Variants in CDH17 observed in about 807,000 individuals in gnomAD.
CDH17 encodes the protein cadherin-17.
A neutral mutation model predicts 86.3 loss-of-function variants in CDH17; 67 were observed. That is an observed-to-expected ratio of 0.78 (90% CI 0.64 to 0.95). The LOEUF (loss-of-function observed/expected upper bound fraction) is 0.95, where lower values mean the gene tolerates loss of function less well. CDH17 is among the 40% of genes least tolerant of loss of function. The probability of loss-of-function intolerance (pLI) is 0.00; values close to 1 mark genes in which losing one functional copy is unlikely to be tolerated. For synonymous variants in CDH17, 367 were observed against 366.4 expected (o/e 1.00, Z -0.02); for missense variants, 993 against 1,017.6 (o/e 0.98, Z 0.33).
chr8:94,159,837 G>C (rs1017536056), intron 12 of CDH17, 134 bp downstream of exon 12: 9 of 573,142 alleles, frequency 1.6e-5, no homozygotes, highest in Middle Eastern at 4.7e-4. Context: ...GAGGAATCCA[G>C]GAATCCAGGA....
At chr8:94,152,323 T>C (rs965624969) in intron 12 of CDH17, among the ~76,000 whole-genome samples, 1 of 152,224 alleles carries the variant, frequency 6.6e-6, no homozygotes, top group Non-Finnish European at 1.5e-5. Context: ...CCTGAAACTA[T>C]AACACCACTA....
chr8:94,207,802 A>C (rs1430819988), intron 1 of CDH17, among the ~76,000 whole-genome samples: 1 of 152,182 alleles, frequency 6.6e-6, no homozygotes, highest in Non-Finnish European at 1.5e-5. Context: ...AGATACCAAT[A>C]AGCTGTGTGT....
intron 12 of CDH17, among the ~76,000 whole-genome samples, chr8:94,154,423 T>C (rs1272315598): frequency 6.6e-6 from 1 of 152,202 alleles, no homozygotes; most frequent in Non-Finnish European, 1.5e-5. Context: ...AGATTTCCAT[T>C]TTTTATGGGA....
At chr8:94,200,532 CTTTTGTTTTTTTTTTT>C (rs1274859443) in intron 1 of CDH17, among the ~76,000 whole-genome samples, 21 of 50,236 alleles carry the variant, frequency 4.2e-4, no homozygotes, top group South Asian at 7.1e-4. Context: ...TTATTATTAT[CTTTTGTTTTTTTTTTT>C]TTTTTTTTTT....
intron 3 of CDH17, among the ~76,000 whole-genome samples, chr8:94,181,581 GATGTAA>G (rs1247932002): frequency 6.6e-6 from 1 of 151,938 alleles, no homozygotes; most frequent in African/African-American, 2.4e-5. Context: ...AAAATACTTT[GATGTAA>G]ATGAAAATGA....
intron 3 of CDH17, among the ~76,000 whole-genome samples, chr8:94,181,107 A>G (rs778560340): frequency 6.6e-6 from 1 of 152,194 alleles, no homozygotes; most frequent in Non-Finnish European, 1.5e-5. Flanking sequence ...GGGATATTCT[A>G]TAATGATATA....
intron 10 of CDH17, among the ~76,000 whole-genome samples, chr8:94,162,835 G>T (rs752236469): frequency 3.9e-5 from 6 of 152,184 alleles, no homozygotes; most frequent in Non-Finnish European, 7.3e-5. Flanking sequence ...CCAGATGTGT[G>T]TGGAGTGCAG....
At chr8:94,214,243 T>C (rs1334163326) in intron 1 of CDH17, among the ~76,000 whole-genome samples, 1 of 152,086 alleles carries the variant, frequency 6.6e-6, no homozygotes, top group Non-Finnish European at 1.5e-5. Context: ...AGTACTGTCA[T>C]GGGGTCAAGT....
At chr8:94,196,099 A>G in intron 1 of CDH17, among the ~76,000 whole-genome samples, 1 of 152,288 alleles carries the variant, frequency 6.6e-6, no homozygotes, top group South Asian at 2.1e-4. Flanking sequence ...TTTCACGAAA[A>G]TTCCAATCAC....
Position 94,151,889 on chromosome 8 carries a change from T to A in CDH17, c.1775A>T (p.Asp592Val). 6.2e-7 allele frequency: 1 copy of A among 1,614,204 alleles called. No individual in the cohort carries two copies. Among genetic ancestry groups the A allele is most frequent in the Non-Finnish European group, 8.5e-7 (1 of 1,180,010 alleles). The change falls in exon 13 of 18, where the codon GAT becomes GTT. Residue 592 changes from aspartate to valine, a missense_variant. Coordinates refer to ENST00000027335, the MANE Select transcript of CDH17 (RefSeq NM_004063.4). ...GTKVGNVTAKDPEGLDISYSL... is the reference protein window; with the variant it reads ...GTKVGNVTAKVPEGLDISYSL... ...TTACCTTATGTCCAGACCTTCTGGA[T>A]CCTTGGCAGTCACATTGCCCACTTT...
chr8:94,170,929 T>C lies in CDH17; in HGVS notation c.840A>G (p.Pro280=), dbSNP rs957679477. The C allele has an allele frequency of 8.1e-6, 13 of 1,613,908 alleles. No homozygotes were observed. The highest frequency in any genetic ancestry group is 1.1e-5 in the Non-Finnish European group (13 of 1,179,858). Residue 280 remains proline, a synonymous_variant, in exon 8 of 18, where the codon CCA becomes CCG. Coordinates refer to ENST00000027335, the MANE Select transcript of CDH17 (RefSeq NM_004063.4). ...CCTGGTCAATTGAAAATGGGAATCT[T>C]GGCAGCTTCTCTTTGTCAACTAAGG... ...QYSLVDKEKL[P]RFPFSIDQEG...
chr8:94,166,422 A>G (rs1292840762), intron 9 of CDH17, among the ~76,000 whole-genome samples: 1 of 152,112 alleles, frequency 6.6e-6, no homozygotes, highest in African/African-American at 2.4e-5. Context: ...TACTTTCATT[A>G]CCTCTTTTAA....
chr8:94,204,869 A>G (rs532473776), intron 1 of CDH17, among the ~76,000 whole-genome samples: 1 of 152,328 alleles, frequency 6.6e-6, no homozygotes, highest in East Asian at 1.9e-4. Flanking sequence ...AAGGGGGGCC[A>G]GAGCAGTCAC....
intron 1 of CDH17, among the ~76,000 whole-genome samples, chr8:94,214,569 T>A (rs544899442): frequency 6.6e-6 from 1 of 152,202 alleles, no homozygotes; most frequent in South Asian, 2.1e-4. Context: ...CAGGGGTAAA[T>A]CTTTATGGCC....
At chr8:94,134,289 TTTTTTTTG>T (rs1416503851) in intron 15 of CDH17, among the ~76,000 whole-genome samples, 1 of 152,040 alleles carries the variant, frequency 6.6e-6, no homozygotes, top group Non-Finnish European at 1.5e-5. Context: ...GATCCTGGAC[TTTTTTTTG>T]TTGGTAGGCT....
At position 94,127,723 on chromosome 8, in the gene CDH17, A is replaced by AAGGGAAAAACACAAGT. The variant is rs1253922992; in HGVS notation, c.*501_*516dup. On this transcript the variant is annotated 3_prime_UTR_variant, in exon 18 of 18. Coordinates refer to ENST00000027335, the MANE Select transcript of CDH17 (RefSeq NM_004063.4). ...ATTTAATGAGTCTGTCTTGCCCCAAAAGGGAAAAACACAAGTAGCTAAGCC... is the reference window on the plus strand; with the variant it reads ...ATTTAATGAGTCTGTCTTGCCCCAAAAGGGAAAAACACAAGTAGGGAAAAACACAAGTAGCTAAGCC... The AAGGGAAAAACACAAGT allele has an allele frequency of 6.5e-6, 1 of 153,112 alleles. No homozygotes were observed. Among genetic ancestry groups the AAGGGAAAAACACAAGT allele is most frequent in the Non-Finnish European group, 1.5e-5 (1 of 68,712 alleles). 9.5% of individuals were successfully genotyped at this position (153,112 alleles called of 1,614,324 possible).
chr8:94,169,773 G>A (rs763086142), intron 9 of CDH17, among the ~76,000 whole-genome samples: 2 of 152,180 alleles, frequency 1.3e-5, no homozygotes, highest in Admixed American at 1.3e-4. Flanking sequence ...TCTTATAGTA[G>A]TTGTTCCTAT....
At chr8:94,165,472 C>T (rs541314106) in intron 10 of CDH17, among the ~76,000 whole-genome samples, 17 of 152,240 alleles carry the variant, frequency 1.1e-4, no homozygotes, top group Admixed American at 5.9e-4. Context: ...TGTGCCCTTC[C>T]GCAATTTTTT....
chr8:94,134,006 A>G (rs1438391602), intron 15 of CDH17, among the ~76,000 whole-genome samples: 2 of 152,212 alleles, frequency 1.3e-5, no homozygotes, highest in Non-Finnish European at 2.9e-5. Flanking sequence ...GGATGAAGCC[A>G]ACTTGATTGT....
Sources: allele counts gnomAD v4.1 joint callset (sites outside exome capture counted in the v4.1 genomes callset), GRCh38; gene constraint gnomAD v4.1.1; transcripts MANE v1.5; gene names NCBI Gene and HGNC (gene_info 2026-07-23, HGNC 2026-07-21).